Variants in EPS15L1 observed in about 807,000 individuals in gnomAD.
EPS15L1 encodes epidermal growth factor receptor substrate 15-like 1.
Under a neutral mutation model 117.1 loss-of-function variants are expected in EPS15L1, and 43 were observed. The ratio of observed to expected loss-of-function variants is 0.37; its 90% CI spans 0.29 to 0.47. The LOEUF (loss-of-function observed/expected upper bound fraction) is 0.47, where lower values mean the gene tolerates loss of function less well. EPS15L1 is among the 20% of genes least tolerant of loss of function. The probability of loss-of-function intolerance (pLI) is 0.99; values close to 1 mark genes in which losing one functional copy is unlikely to be tolerated. For missense variants in EPS15L1, 981 were observed against 1,164.0 expected, an observed-to-expected ratio of 0.84 and a Z score of 2.29; for synonymous variants, 459 against 470.5, an observed-to-expected ratio of 0.98 and a Z score of 0.32.
At chr19:16,372,775 G>T (rs921464527) in intron 22 of EPS15L1, among the ~76,000 whole-genome samples, 1 of 152,220 alleles carries the variant, frequency 6.6e-6, no homozygotes, top group Non-Finnish European at 1.5e-5. Context: ...GGCCTGAGTG[G>T]GTCCCATGGT....
rs1406096022 is a variant in EPS15L1, at chr19:16,390,923, C to A, written c.2103+1381G>T. ...TACCATGGGGTTACATCCTGATAAA[C>A]CCATTGTAAGTTGAAAATATTTTAA... On this transcript the variant is annotated intron_variant, in intron 19 of 23. Coordinates refer to ENST00000455140, the MANE Select transcript of EPS15L1 (RefSeq NM_001258374.3). 2.0e-5 allele frequency among the ~76,000 whole-genome samples: 3 copies of A among 152,168 alleles called. No homozygotes were observed. In the South Asian group the frequency reaches 6.2e-4, roughly 31 times the overall value.
intron 20 of EPS15L1, 74 bp from the exon 21 acceptor site, chr19:16,385,285 C>A: frequency 8.1e-7 from 1 of 1,238,358 alleles, no homozygotes; most frequent in Non-Finnish European, 1.2e-6. Flanking sequence ...AGGGGAAATG[C>A]TAGATGGCCC....
At position 16,425,219 on chromosome 19, in the gene EPS15L1, AAC is replaced by A; in HGVS notation, c.654_655del (p.Phe219ProfsTer61). Reference sequence around the variant, plus strand: ...AGGCAGGACGGGGACGGCGCCAGGGAACACAGTCTTCTTTCTCTTGGAGGGTG... The same window carrying A: ...AGGCAGGACGGGGACGGCGCCAGGGAACAGTCTTCTTTCTCTTGGAGGGTG... On this transcript the variant is annotated frameshift_variant, in exon 9 of 24. Transcript: ENST00000455140. LOFTEE classifies it high-confidence loss of function. 1 of 1,603,452 alleles carries A rather than the reference AAC, an allele frequency of 6.2e-7. No individual in the cohort carries two copies.
chr19:16,446,233 A>C (rs1813508664), intron 1 of EPS15L1, among the ~76,000 whole-genome samples: 1 of 152,154 alleles, frequency 6.6e-6, no homozygotes, highest in African/African-American at 2.4e-5. Context: ...ACCTCGGAGG[A>C]GAAACTGTCT....
chr19:16,381,897 GC>G lies in EPS15L1; in HGVS notation c.2247+3231del, dbSNP rs1373144862. Among the ~76,000 whole-genome samples the G allele has an allele frequency of 6.6e-6, 1 of 152,222 alleles. No individual in the cohort carries two copies. Among genetic ancestry groups the G allele is most frequent in the African/African-American group, 2.4e-5 (1 of 41,450 alleles). ...GATGGGAAGTGGTGTGACCGGCTGGGCCTTGTCCTCCCTGGGCATGTGCTGG... is the reference window on the plus strand; with the variant it reads ...GATGGGAAGTGGTGTGACCGGCTGGGCTTGTCCTCCCTGGGCATGTGCTGG... On this transcript the variant is annotated intron_variant, in intron 21 of 23. Coordinates refer to ENST00000455140, the MANE Select transcript of EPS15L1 (RefSeq NM_001258374.3). This position sits in a 1 kb window ranked among gnomAD's most constrained non-coding sequence, Gnocchi z 4.2.
chr19:16,362,028 T>A, intron 22 of EPS15L1, 44 bp from the exon 23 acceptor site: 1 of 1,535,710 alleles, frequency 6.5e-7, no homozygotes, highest in Non-Finnish European at 8.8e-7. Flanking sequence ...GAAAGAAATA[T>A]GAGTTACTCA....
intron 1 of EPS15L1, among the ~76,000 whole-genome samples, chr19:16,462,302 G>A (rs959938202): frequency 6.6e-6 from 1 of 152,012 alleles, no homozygotes; most frequent in African/African-American, 2.4e-5. Context: ...GGTGAGGGCA[G>A]TCAGGGTACC....
intron 7 of EPS15L1, 123 bp from the exon 8 acceptor site, chr19:16,428,884 T>C (rs1046152245): frequency 9.6e-6 from 7 of 725,698 alleles, no homozygotes; most frequent in African/African-American, 5.2e-5. Context: ...GCAGTCAATA[T>C]ACATTTCAGG....
In EPS15L1 at chr19:16,360,187, C is replaced by T. The variant is rs974610933; in HGVS notation, c.2586+1592G>A. On this transcript the variant is annotated intron_variant, in intron 23 of 23. Transcript: ENST00000455140. ...TTCAAGCTGCCGTTCACCCCACTTACCTAACTCTTCCCTACCCAAGACAGA... is the reference window on the plus strand; with the variant it reads ...TTCAAGCTGCCGTTCACCCCACTTATCTAACTCTTCCCTACCCAAGACAGA... 3.3e-5 allele frequency among the ~76,000 whole-genome samples: 5 copies of T among 151,960 alleles called. No individual in the cohort carries two copies. The South Asian group carries it at 1.0e-3, about 32-fold the overall frequency.
chr19:16,409,553 C>T (rs1400284103), intron 13 of EPS15L1, among the ~76,000 whole-genome samples: 4 of 152,164 alleles, frequency 2.6e-5, no homozygotes, highest in African/African-American at 9.7e-5. Flanking sequence ...GAAAGACAAT[C>T]CAGAGTGGAC....
intron 12 of EPS15L1, 139 bp downstream of exon 12, chr19:16,417,413 C>G: frequency 1.4e-6 from 1 of 727,132 alleles, no homozygotes; most frequent in Non-Finnish European, 2.4e-6. Flanking sequence ...TTTAGGACCT[C>G]AGAAGCTGTA....
intron 17 of EPS15L1, 84 bp from the exon 18 acceptor site, chr19:16,394,085 A>G: frequency 8.1e-7 from 1 of 1,227,372 alleles, no homozygotes; most frequent in Non-Finnish European, 1.2e-6. Context: ...CCCACCTCCC[A>G]AGCCTTTCAT....
Position 16,417,771 on chromosome 19 carries a change from C to G in EPS15L1, c.1108-134G>C, listed in dbSNP as rs1599613171. On this transcript the variant is annotated intron_variant, in intron 11 of 23. Coordinates refer to ENST00000455140, the MANE Select transcript of EPS15L1 (RefSeq NM_001258374.3). ...GGGTGAGGTAGCAAAAGTGTCAGCC[C>G]CCTGCCTGGGGAAATACCTGGGCAG... is the stretch of plus-strand genomic sequence containing the variant. The G allele has an allele frequency of 3.4e-6, 4 of 1,166,464 alleles. No homozygotes were observed. In the East Asian group the frequency reaches 1.0e-4, roughly 29 times the overall value. The allele number at this position is 1,166,464 out of a possible 1,614,324, so 72.3% of individuals were successfully genotyped here.
At chr19:16,384,073 G>C (rs1407023254) in intron 21 of EPS15L1, 1 of 152,400 alleles carries the variant, frequency 6.6e-6, no homozygotes, top group Admixed American at 6.5e-5. Flanking sequence ...CCAGGAGGGG[G>C]GCTGTGTTCT....
At chr19:16,362,026 T>G in intron 22 of EPS15L1, 42 bp from the exon 23 acceptor site, 1 of 1,535,210 alleles carries the variant, frequency 6.5e-7, no homozygotes, top group Admixed American at 2.1e-5. Context: ...AAGAAAGAAA[T>G]ATGAGTTACT....
chr19:16,470,166 G>A (rs1039028519), intron 1 of EPS15L1, among the ~76,000 whole-genome samples: 39 of 152,106 alleles, frequency 2.6e-4, no homozygotes, highest in African/African-American at 8.7e-4. Flanking sequence ...TGGATCACTC[G>A]AGTTCAGGAG....
chr19:16,421,247 AC>A (rs2092810816), intron 10 of EPS15L1, 71 bp downstream of exon 10: 1 of 1,506,040 alleles, frequency 6.6e-7, no homozygotes, highest in African/African-American at 1.4e-5. Context: ...CCTGACCACC[AC>A]CCTCCACAGT....
At chr19:16,390,837 C>T (rs2092467133) in intron 19 of EPS15L1, among the ~76,000 whole-genome samples, 3 of 152,158 alleles carry the variant, frequency 2.0e-5, no homozygotes, top group African/African-American at 7.2e-5. Context: ...ATATGAAATA[C>T]ATGTAAAGCA....
At chr19:16,410,636 A>G (rs1002970870) in intron 13 of EPS15L1, among the ~76,000 whole-genome samples, 2 of 152,062 alleles carry the variant, frequency 1.3e-5, no homozygotes, top group African/African-American at 4.8e-5. Context: ...GTGGCTTGGC[A>G]TGGTGGCTCA....
Sources: allele counts gnomAD v4.1 joint callset (sites outside exome capture counted in the v4.1 genomes callset), GRCh38; gene constraint gnomAD v4.1.1; non-coding constraint Gnocchi (gnomAD v3.1); transcripts MANE v1.5; gene names NCBI Gene and HGNC (gene_info 2026-07-23, HGNC 2026-07-21).